AMZ1: variants seen among roughly 807,000 people sequenced by gnomAD.
The protein encoded by AMZ1 is archaelysin family metallopeptidase 1.
A neutral mutation model predicts 29.9 loss-of-function variants in AMZ1; 39 were observed. That is an observed-to-expected ratio of 1.30 (90% confidence interval 1.01 to 1.70). The LOEUF is 1.70. AMZ1 is among the 40% of genes most tolerant of loss of function. The pLI, the probability that AMZ1 is intolerant of heterozygous loss-of-function variation, is 0.00. For synonymous variants in AMZ1, 458 were observed against 304.0 expected (o/e 1.51, Z -5.27); for missense variants, 1,041 against 680.6 (o/e 1.53, Z -5.89).
rs545304646 is a variant in AMZ1, at chr7:2,696,413, C to T, written c.-218-3821C>T. On this transcript the variant is annotated intron_variant, in intron 1 of 6. Coordinates refer to ENST00000683327, the MANE Select transcript of AMZ1 (RefSeq NM_001384743.1). ...CTGGGACTACAGGCGCCCGCCACCA[C>T]GCCTGGCTAATTTTTTTGTATTTTT... Among the ~76,000 whole-genome samples, 329 of 151,136 alleles carry T rather than the reference C, an allele frequency of 2.2e-3. 2 individuals are homozygous for T. Among genetic ancestry groups the T allele is most frequent in the African/African-American group, 7.2e-3 (294 of 41,076 alleles).
At chr7:2,727,853 A>C (rs954124129) in intron 4 of AMZ1, among the ~76,000 whole-genome samples, 1 of 151,844 alleles carries the variant, frequency 6.6e-6, no homozygotes, top group South Asian at 2.1e-4. Flanking sequence ...GTCAGGAGAT[A>C]GAGACCACCC....
intron 2 of AMZ1, 123 bp from the exon 3 acceptor site, chr7:2,702,599 T>C: frequency 8.9e-7 from 1 of 1,122,424 alleles, no homozygotes; most frequent in Non-Finnish European, 1.2e-6. Flanking sequence ...CTCTGCTTGC[T>C]GTCAGGGTAG....
chr7:2,758,273 C>T (rs929833104), intron 4 of AMZ1, among the ~76,000 whole-genome samples: 2 of 152,198 alleles, frequency 1.3e-5, no homozygotes, highest in Non-Finnish European at 1.5e-5. Flanking sequence ...CACTGTAATC[C>T]TAGCACTTTA....
intron 4 of AMZ1, among the ~76,000 whole-genome samples, chr7:2,740,911 G>A (rs529389280): frequency 1.3e-5 from 2 of 152,268 alleles, no homozygotes; most frequent in South Asian, 2.1e-4. Flanking sequence ...CGGGCGTGGT[G>A]GCAGGTGCCT....
In AMZ1 at chr7:2,708,646, C is replaced by G. The variant is rs1313192029; in HGVS notation, c.531C>G (p.Gly177=). The G allele has an allele frequency of 6.2e-7, 1 of 1,613,074 alleles. No individual in the cohort carries two copies. Among genetic ancestry groups the G allele is most frequent in the African/African-American group, 1.3e-5 (1 of 74,910 alleles). ...CAGGGGACGCGCTGTGTGTGCTGGGCCTCACACTGTCTGACCTGTACCCCC... is the reference window on the plus strand; with the variant it reads ...CAGGGGACGCGCTGTGTGTGCTGGGGCTCACACTGTCTGACCTGTACCCCC... ...NKPGDALCVL[G]LTLSDLYPHE... Residue 177 remains glycine (G), a synonymous_variant, in exon 4 of 7, where the codon GGC becomes GGG. Transcript: ENST00000683327.
intron 3 of AMZ1, among the ~76,000 whole-genome samples, chr7:2,703,967 C>A (rs1464233276): frequency 6.6e-6 from 1 of 152,178 alleles, no homozygotes; most frequent in African/African-American, 2.4e-5. Flanking sequence ...CGGCTCATGG[C>A]AAGCTCTGCC....
intron 4 of AMZ1, among the ~76,000 whole-genome samples, chr7:2,755,329 C>G (rs1791242887): frequency 1.3e-5 from 2 of 152,356 alleles, no homozygotes; most frequent in Admixed American, 6.5e-5. Context: ...TGTGTCAAAT[C>G]TGTGTATCAA....
chr7:2,686,166 G>A (rs1787071048), upstream of AMZ1, among the ~76,000 whole-genome samples: 1 of 152,224 alleles, frequency 6.6e-6, no homozygotes, highest in South Asian at 2.1e-4. Flanking sequence ...GTGTGGAGAC[G>A]GACTTTTGGC....
Position 2,695,363 on chromosome 7 carries a change from C to T in AMZ1, c.-218-4871C>T, listed in dbSNP as rs185815470. On this transcript the variant is annotated intron_variant, in intron 1 of 6. Transcript: ENST00000683327. ...ACAGGCTCGGTCTGCATAGAACCCACGTGGTCCCAGCAAGGTGGGGCCCTG... is the reference window on the plus strand; with the variant it reads ...ACAGGCTCGGTCTGCATAGAACCCATGTGGTCCCAGCAAGGTGGGGCCCTG... Among the ~76,000 whole-genome samples the T allele has an allele frequency of 2.1e-3, 324 of 152,190 alleles. 2 individuals carry two copies. The highest frequency in any genetic ancestry group is 3.5e-3 in the South Asian group (17 of 4,818).
chr7:2,705,509 G>A (rs1035192680), intron 3 of AMZ1, among the ~76,000 whole-genome samples: 8 of 152,220 alleles, frequency 5.3e-5, no homozygotes, highest in Admixed American at 6.5e-5. Context: ...CCCCTCTACC[G>A]GCCACCAAAC....
chr7:2,747,617 G>A (rs1040925110), intron 4 of AMZ1, among the ~76,000 whole-genome samples: 25 of 152,196 alleles, frequency 1.6e-4, no homozygotes, highest in African/African-American at 4.8e-4. Flanking sequence ...GCACAAGACA[G>A]GGATGCCCTC....
At chr7:2,712,180 G>A in intron 6 of AMZ1, 150 bp from the exon 7 acceptor site, 1 of 798,570 alleles carries the variant, frequency 1.3e-6, no homozygotes, top group Non-Finnish European at 1.9e-6. Flanking sequence ...AAGGGTGCTG[G>A]TCACAAGAGC....
chr7:2,741,371 A>C (rs1790495677), intron 4 of AMZ1, among the ~76,000 whole-genome samples: 1 of 152,070 alleles, frequency 6.6e-6, no homozygotes, highest in Non-Finnish European at 1.5e-5. Flanking sequence ...AAAACCCAAA[A>C]ACCTAAATAA....
intron 1 of AMZ1, among the ~76,000 whole-genome samples, chr7:2,696,296 A>C (rs142738915): frequency 2.9e-5 from 4 of 137,700 alleles, no homozygotes; most frequent in South Asian, 2.4e-4. Context: ...TCGCTCTGTC[A>C]CCCAGGCTGG....
intron 4 of AMZ1, among the ~76,000 whole-genome samples, chr7:2,739,924 T>C (rs1790413997): frequency 1.3e-5 from 2 of 152,190 alleles, no homozygotes; most frequent in Non-Finnish European, 1.5e-5. Context: ...CCGCCCGCCT[T>C]GGCCTCTGAA....
upstream of AMZ1, chr7:2,762,249 C>G (rs1223897917): frequency 4.9e-6 from 1 of 204,838 alleles, no homozygotes; most frequent in Non-Finnish European, 9.7e-6. Context: ...CTAGGAAACA[C>G]CACCCTGACT....
chr7:2,738,176 T>C (rs930613773), intron 4 of AMZ1, among the ~76,000 whole-genome samples: 1 of 152,136 alleles, frequency 6.6e-6, no homozygotes, highest in Non-Finnish European at 1.5e-5. Flanking sequence ...CCTCAGCACG[T>C]TGGGAGGCCG....
At chr7:2,733,349 C>G in intron 4 of AMZ1, 1 of 897,212 alleles carries the variant, frequency 1.1e-6, no homozygotes, top group South Asian at 1.4e-5. Context: ...CAAGCTCGGC[C>G]TGTCAGTCCA....
In AMZ1 at chr7:2,718,311, G is replaced by A. The variant is rs1211725023; in HGVS notation, c.*5433G>A. On this transcript the variant is annotated 3_prime_UTR_variant, in exon 7 of 7. Coordinates refer to ENST00000683327, the MANE Select transcript of AMZ1 (RefSeq NM_001384743.1). ...CAGGCAGGGTGCTCTGCCCGCCACA[G>A]TGTGCCTGGTTTTCTGGATACAGCA... Among the ~76,000 whole-genome samples, 2 of 152,198 alleles carry A rather than the reference G, an allele frequency of 1.3e-5. No individual in the cohort carries two copies. Among genetic ancestry groups the A allele is most frequent in the Admixed American group, 6.5e-5 (1 of 15,280 alleles).
Sources: gnomAD v4.1 joint callset for allele counts (sites outside exome capture counted in the v4.1 genomes callset) on GRCh38, gnomAD v4.1.1 for gene constraint, MANE v1.5 for transcripts, NCBI Gene and HGNC (gene_info 2026-07-23, HGNC 2026-07-21) for gene names.